PTCHD4: variants seen among roughly 807,000 people sequenced by gnomAD.
PTCHD4 encodes patched domain containing 4, also known as patched domain-containing protein 4.
In PTCHD4, 33 loss-of-function variants were observed where a neutral mutation model predicts 58.1. The ratio of observed to expected loss-of-function variants is 0.57; its 90% CI spans 0.43 to 0.76. The LOEUF is 0.76. PTCHD4 is among the 30% of genes least tolerant of loss of function. The pLI, the probability that PTCHD4 is intolerant of heterozygous loss-of-function variation, is 0.00. For synonymous variants in PTCHD4, 478 were observed against 409.6 expected (o/e 1.17, Z -2.02); for missense variants, 1,058 against 1,027.1 (o/e 1.03, Z -0.41).
intron 4 of PTCHD4, among the ~76,000 whole-genome samples, chr6:47,979,136 A>G (rs968234280): frequency 1.3e-5 from 2 of 152,136 alleles, no homozygotes; most frequent in African/African-American, 4.8e-5. Context: ...ATCAATGGTG[A>G]CATATAGTCT....
At chr6:47,961,735 A>G (rs1267712165) in intron 4 of PTCHD4, among the ~76,000 whole-genome samples, 4 of 152,236 alleles carry the variant, frequency 2.6e-5, no homozygotes, top group Admixed American at 2.6e-4. Context: ...AATAAAAATT[A>G]AACACACTAC....
intron 4 of PTCHD4, among the ~76,000 whole-genome samples, chr6:47,881,117 A>G (rs1051778580): frequency 7.2e-5 from 11 of 152,182 alleles, no homozygotes; most frequent in African/African-American, 2.7e-4. Context: ...CATAGCTGAA[A>G]GGCACAAAAT....
In PTCHD4 at chr6:47,879,288, A is replaced by G; in HGVS notation, c.1547T>C (p.Ile516Thr). 1 of 1,612,776 alleles carries G rather than the reference A, an allele frequency of 6.2e-7. No homozygotes were observed. Among genetic ancestry groups the G allele is most frequent in the Non-Finnish European group, 8.5e-7 (1 of 1,179,376 alleles). Residue 516 changes from isoleucine to threonine, a missense_variant, in exon 5 of 5, where the codon ATA (isoleucine) becomes ACA (threonine). By Grantham distance (89) the Ile-to-Thr change is moderately conservative. Coordinates refer to ENST00000339488, the MANE Select transcript of PTCHD4 (RefSeq NM_001384253.1). ...QKYFSNYSPVIGFYVYEPLEY... is the reference protein window; with the variant it reads ...QKYFSNYSPVTGFYVYEPLEY... ...TAGGGGCTCATAGACGTAGAATCCTATCACAGGGCTATAGTTGCTGAAATA... is the reference window on the plus strand; with the variant it reads ...TAGGGGCTCATAGACGTAGAATCCTGTCACAGGGCTATAGTTGCTGAAATA...
At chr6:48,012,250 G>A (rs548106680) in intron 3 of PTCHD4, among the ~76,000 whole-genome samples, 45 of 152,094 alleles carry the variant, frequency 3.0e-4, no homozygotes, top group Non-Finnish European at 3.7e-4. Flanking sequence ...ATTTCCTCGA[G>A]TGGTGGTTTG....
intron 1 of PTCHD4, among the ~76,000 whole-genome samples, chr6:48,081,285 T>G (rs1177088313): frequency 6.6e-6 from 1 of 152,154 alleles, no homozygotes; most frequent in Non-Finnish European, 1.5e-5. Flanking sequence ...TGAATTCACT[T>G]GAAAAATAAG....
intron 4 of PTCHD4, among the ~76,000 whole-genome samples, chr6:47,984,214 A>C (rs1767983823): frequency 6.6e-6 from 1 of 152,190 alleles, no homozygotes. Flanking sequence ...TCACACTGCT[A>C]TAAAGATACT....
intron 4 of PTCHD4, among the ~76,000 whole-genome samples, chr6:47,881,061 A>G (rs1764008372): frequency 6.6e-6 from 1 of 152,136 alleles, no homozygotes; most frequent in African/African-American, 2.4e-5. Context: ...GTGAATGGAT[A>G]CAAGCTGTGC....
Position 47,901,424 on chromosome 6 carries a change from C to A in PTCHD4, c.899-21488G>T, listed in dbSNP as rs1219705875. On this transcript the variant is annotated intron_variant, in intron 4 of 4. Coordinates refer to ENST00000339488, the MANE Select transcript of PTCHD4 (RefSeq NM_001384253.1). Reference sequence around the variant, plus strand: ...AATCTCAAACACGATAATTGTTCCTCCCTCTCACATATTGCCAGGTAACCT... The same window carrying A: ...AATCTCAAACACGATAATTGTTCCTACCTCTCACATATTGCCAGGTAACCT... The A allele has an allele frequency of 1.8e-5, 18 of 977,502 alleles. No individual in the cohort carries two copies. The South Asian group carries it at 2.8e-4, about 15-fold the overall frequency. 60.6% of individuals were successfully genotyped at this position (977,502 alleles called of 1,614,324 possible). A position where few individuals can be genotyped will look rare whatever the true frequency, so the allele number is the denominator to read the frequency against.
At chr6:47,967,449 C>T (rs1767336027) in intron 4 of PTCHD4, among the ~76,000 whole-genome samples, 1 of 152,176 alleles carries the variant, frequency 6.6e-6, no homozygotes, top group African/African-American at 2.4e-5. Context: ...TGAGCATTGG[C>T]TTCAATTTAA....
intron 4 of PTCHD4, among the ~76,000 whole-genome samples, chr6:47,949,532 G>A (rs891811451): frequency 6.6e-6 from 1 of 152,180 alleles, no homozygotes; most frequent in African/African-American, 2.4e-5. Context: ...CTGCAGTAGG[G>A]AGAAGGCAGT....
Position 47,869,655 on chromosome 6 carries a change from C to A in PTCHD4, c.*8648G>T, listed in dbSNP as rs555145150. 6.6e-6 allele frequency among the ~76,000 whole-genome samples: 1 copy of A among 151,438 alleles called. No individual in the cohort carries two copies. The highest frequency in any genetic ancestry group is 1.5e-5 in the Non-Finnish European group (1 of 67,712). ...TTTGCTTCAGAATGCTTTATCTTAA[C>A]CACGGAGAGATAATTGATATATATC... is the stretch of plus-strand genomic sequence containing the variant. On this transcript the variant is annotated 3_prime_UTR_variant, in exon 5 of 5. Coordinates refer to ENST00000339488, the MANE Select transcript of PTCHD4 (RefSeq NM_001384253.1).
intron 1 of PTCHD4, among the ~76,000 whole-genome samples, chr6:48,108,566 A>G (rs2113920919): frequency 1.3e-5 from 2 of 152,222 alleles, no homozygotes; most frequent in East Asian, 3.9e-4. Context: ...ACAAACCTGC[A>G]CGTTGTGCAT....
At chr6:47,882,641 C>G (rs1764051797) in intron 4 of PTCHD4, among the ~76,000 whole-genome samples, 1 of 149,288 alleles carries the variant, frequency 6.7e-6, no homozygotes, top group African/African-American at 2.4e-5. Flanking sequence ...CCTTAAAATA[C>G]TTTCCTCAAT....
chr6:48,048,242 A>G (rs937417450), intron 3 of PTCHD4, among the ~76,000 whole-genome samples: 3 of 151,930 alleles, frequency 2.0e-5, no homozygotes, highest in Non-Finnish European at 2.9e-5. Flanking sequence ...AAATAGCCAA[A>G]TGTGAGAATA....
rs1368919022 is a variant in PTCHD4 at position 47,857,278 on chromosome 6, G to T, written c.*21025C>A. On this transcript the variant is annotated 3_prime_UTR_variant, in exon 5 of 5. Coordinates refer to ENST00000339488, the MANE Select transcript of PTCHD4 (RefSeq NM_001384253.1). ...CAGCAGAAAACTGGAAATCTTATTT[G>T]TTTCCCTCCAGACTAGTAAGAACAG... 1.3e-5 allele frequency among the ~76,000 whole-genome samples: 2 copies of T among 152,008 alleles called. No homozygotes were observed. Among genetic ancestry groups the T allele is most frequent in the African/African-American group, 4.8e-5 (2 of 41,402 alleles).
chr6:48,054,342 C>T (rs1680358159), intron 3 of PTCHD4, among the ~76,000 whole-genome samples: 2 of 152,110 alleles, frequency 1.3e-5, no homozygotes, highest in Non-Finnish European at 2.9e-5. Flanking sequence ...AACTCAGGTC[C>T]TCCTAATTTC....
chr6:48,068,365 G>A lies in PTCHD4; in HGVS notation c.282C>T (p.Ser94=). 1 of 1,613,956 alleles carries A rather than the reference G, an allele frequency of 6.2e-7. No individual in the cohort carries two copies. Among genetic ancestry groups the A allele is most frequent in the East Asian group, 2.2e-5 (1 of 44,854 alleles). ...GTAAGTCCGAATAGAGCTGGCTTTT[G>A]GACTGGTCCAGGGGGAAAAGGCTGC... ...LASSLFPLDQ[S]KSQLYSDLHT... The change falls in exon 3 of 5, where the codon TCC becomes TCT. Residue 94 remains serine (S), a synonymous_variant. Transcript: ENST00000339488. This position sits in a 1 kb window ranked among gnomAD's most constrained non-coding sequence, Gnocchi z 4.2.
rs1763586474 is a variant in PTCHD4, at chr6:47,867,064, C to A, written c.*11239G>T. On this transcript the variant is annotated 3_prime_UTR_variant, in exon 5 of 5. Coordinates refer to ENST00000339488, the MANE Select transcript of PTCHD4 (RefSeq NM_001384253.1). Reference sequence around the variant, plus strand: ...AGTACTTGTTTACAATGTTTTCTTTCTGGGAACAATCTATAAATCAGGGAC... The same window carrying A: ...AGTACTTGTTTACAATGTTTTCTTTATGGGAACAATCTATAAATCAGGGAC... Among the ~76,000 whole-genome samples, 2 of 151,848 alleles carry A rather than the reference C, an allele frequency of 1.3e-5. No individual in the cohort carries two copies. Among genetic ancestry groups the A allele is most frequent in the Admixed American group, 1.3e-4 (2 of 15,202 alleles).
At chr6:48,034,717 G>A (rs187479449) in intron 3 of PTCHD4, among the ~76,000 whole-genome samples, 85 of 152,056 alleles carry the variant, frequency 5.6e-4, no homozygotes, top group African/African-American at 2.0e-3. Context: ...CACTTCCATC[G>A]GATCTAATTA....
Sources: allele counts gnomAD v4.1 joint callset (sites outside exome capture counted in the v4.1 genomes callset), GRCh38; gene constraint gnomAD v4.1.1; non-coding constraint Gnocchi (gnomAD v3.1); transcripts MANE v1.5; gene names NCBI Gene and HGNC (gene_info 2026-07-23, HGNC 2026-07-21).